Variants in PPP2R2B observed in about 807,000 individuals in gnomAD.
The protein encoded by PPP2R2B is protein phosphatase 2 regulatory subunit Bbeta, also known as serine/threonine-protein phosphatase 2A 55 kDa regulatory subunit B beta isoform.
Under a neutral mutation model 46.0 loss-of-function variants are expected in PPP2R2B, and 5 were observed. The observed-to-expected ratio is 0.11, with a 90% CI of 0.06 to 0.23. The LOEUF is 0.23. Ranked by LOEUF, PPP2R2B falls within the 10% of genes least tolerant of loss-of-function variation. The pLI, the probability that PPP2R2B is intolerant of heterozygous loss-of-function variation, is 1.00. For synonymous variants in PPP2R2B, 215 were observed against 206.7 expected, an observed-to-expected ratio of 1.04 and a Z score of -0.34; for missense variants, 367 against 575.0, an observed-to-expected ratio of 0.64 and a Z score of 3.70.
At chr5:146,904,188 A>G (rs1263433931) in intron 1 of PPP2R2B, among the ~76,000 whole-genome samples, 1 of 152,164 alleles carries the variant, frequency 6.6e-6, no homozygotes, top group East Asian at 1.9e-4. Context: ...TAACTCATGA[A>G]CTGTAAGAGT....
chr5:146,961,355 T>C (rs1752164299), intron 1 of PPP2R2B, among the ~76,000 whole-genome samples: 1 of 152,242 alleles, frequency 6.6e-6, no homozygotes, highest in Admixed American at 6.5e-5. Flanking sequence ...GTGGCATGCA[T>C]GTTTAATGCC....
intron 6 of PPP2R2B, among the ~76,000 whole-genome samples, chr5:146,649,287 C>T (rs1338851482): frequency 6.6e-6 from 1 of 152,074 alleles, no homozygotes; most frequent in Non-Finnish European, 1.5e-5. Context: ...TGCCATTCCT[C>T]ATAAATCTCA....
At chr5:146,972,711 CA>C (rs1303240806) in intron 1 of PPP2R2B, among the ~76,000 whole-genome samples, 1 of 151,698 alleles carries the variant, frequency 6.6e-6, no homozygotes, top group East Asian at 1.9e-4. Flanking sequence ...GACTCCATCT[CA>C]AAAAAACAAA....
rs556427163 is a variant in PPP2R2B, at chr5:146,965,774, C to T, written c.79+89891G>A. ...TGCACTTATCTTGATAATAATTCTT[C>T]TTAAAATCCATAGCAGGAAAGCATG... On this transcript the variant is annotated intron_variant, in intron 1 of 8. Coordinates refer to the PPP2R2B transcript ENST00000336640. Among the ~76,000 whole-genome samples, 6 of 152,302 alleles carry T rather than the reference C, an allele frequency of 3.9e-5. No homozygotes were observed. In the South Asian group the frequency reaches 1.2e-3, roughly 32 times the overall value.
At chr5:146,982,223 T>C (rs1753210995) in intron 1 of PPP2R2B, among the ~76,000 whole-genome samples, 1 of 152,214 alleles carries the variant, frequency 6.6e-6, no homozygotes, top group Admixed American at 6.5e-5. Context: ...AATTTGCTTT[T>C]CATTTGTTGC....
chr5:146,837,222 CT>C (rs1158130958), intron 2 of PPP2R2B, among the ~76,000 whole-genome samples: 1 of 152,148 alleles, frequency 6.6e-6, no homozygotes, highest in Non-Finnish European at 1.5e-5. Context: ...GTTACATGAG[CT>C]ATTCGAACTT....
At chr5:147,080,842 G>A (rs1181586333) in intron 2 of PPP2R2B, among the ~76,000 whole-genome samples, 1 of 151,854 alleles carries the variant, frequency 6.6e-6, no homozygotes, top group African/African-American at 2.4e-5. Context: ...TTTACTGAAA[G>A]TTCATTTCAG....
intron 6 of PPP2R2B, among the ~76,000 whole-genome samples, chr5:146,648,109 G>A (rs1775706302): frequency 6.6e-6 from 1 of 152,192 alleles, no homozygotes; most frequent in African/African-American, 2.4e-5. Flanking sequence ...CATTTCCTAG[G>A]CTGCCTTGCA....
At chr5:146,929,243 A>G (rs554530433) in intron 1 of PPP2R2B, among the ~76,000 whole-genome samples, 1 of 152,036 alleles carries the variant, frequency 6.6e-6, no homozygotes, top group South Asian at 2.1e-4. Flanking sequence ...TCCTATCCTT[A>G]ATGTTTGTCA....
rs201867657 is a variant in PPP2R2B at position 146,927,063 on chromosome 5, AG to A, written c.79+128601del. ...CTTGCTGTACCTTGGCAGAACCTAT[AG>A]GCTGGGTTGAGGTGGATGAGAGGAG... On this transcript the variant is annotated intron_variant, in intron 1 of 8. Coordinates refer to the PPP2R2B transcript ENST00000336640. Among the ~76,000 whole-genome samples the A allele has an allele frequency of 8.4e-3, 1,274 of 152,286 alleles. 7 individuals carry two copies. The highest frequency in any genetic ancestry group is 0.012 in the Admixed American group (180 of 15,288).
intron 2 of PPP2R2B, among the ~76,000 whole-genome samples, chr5:146,772,383 C>CATATATATATAT (rs33981708): frequency 3.7e-5 from 5 of 133,602 alleles, no homozygotes; most frequent in Admixed American, 7.7e-5. Flanking sequence ...ATAACTTGTG[C>CATATATATATAT]ATATATATAT....
At chr5:146,609,858 G>A (rs1447148075) in intron 7 of PPP2R2B, among the ~76,000 whole-genome samples, 7 of 139,556 alleles carry the variant, frequency 5.0e-5, no homozygotes, top group African/African-American at 1.5e-4. Flanking sequence ...ACGGAATCTC[G>A]CTGATTGCTA....
intron 2 of PPP2R2B, among the ~76,000 whole-genome samples, chr5:146,725,056 A>C (rs1751774328): frequency 6.6e-6 from 1 of 152,142 alleles, no homozygotes; most frequent in African/African-American, 2.4e-5. Context: ...GCGATCAATA[A>C]TTCATAGAAA....
intron 9 of PPP2R2B, chr5:146,591,982 AAGAT>A (rs1770705903): frequency 3.4e-6 from 1 of 290,008 alleles, no homozygotes; most frequent in African/African-American, 2.3e-5. Flanking sequence ...AATCAAGGCT[AAGAT>A]AGAGGAAAAA....
Position 146,878,034 on chromosome 5 carries a change from CTGT to C in PPP2R2B, c.35_37del (p.Asn12del). On this transcript the variant is annotated inframe_deletion, in exon 2 of 10. Transcript: ENST00000394411. This position sits in a 1 kb window ranked among gnomAD's most constrained non-coding sequence, Gnocchi z 4.5. ...CGCATAGCTGTGGTCGCGCAGGAAA[CTGT>C]TGTTGATTTTGCGGGTATCAATGTC... 6 of 1,614,112 alleles carry C rather than the reference CTGT, an allele frequency of 3.7e-6. No individual in the cohort carries two copies. Among genetic ancestry groups the C allele is most frequent in the Non-Finnish European group, 5.1e-6 (6 of 1,180,008 alleles).
At chr5:147,008,668 C>A (rs760074445) in intron 1 of PPP2R2B, among the ~76,000 whole-genome samples, 3 of 152,136 alleles carry the variant, frequency 2.0e-5, no homozygotes, top group Non-Finnish European at 4.4e-5. Context: ...CTTCCTCAAC[C>A]CCACCCCCCA....
chr5:147,063,394 T>C (rs1369016179), intron 2 of PPP2R2B, among the ~76,000 whole-genome samples: 2 of 152,316 alleles, frequency 1.3e-5, no homozygotes, highest in East Asian at 3.9e-4. Context: ...ATAAAACATA[T>C]TTTAAATATA....
chr5:146,979,191 A>G (rs1204163695), intron 1 of PPP2R2B, among the ~76,000 whole-genome samples: 1 of 152,092 alleles, frequency 6.6e-6, no homozygotes, highest in Non-Finnish European at 1.5e-5. Flanking sequence ...CATTTCTCTC[A>G]GTTAACTGCA....
intron 1 of PPP2R2B, among the ~76,000 whole-genome samples, chr5:146,897,901 T>C (rs1582382794): frequency 6.6e-6 from 1 of 152,076 alleles, no homozygotes; most frequent in Non-Finnish European, 1.5e-5. Context: ...TCTTAAAAAG[T>C]AGGAAAGGCC....
Sources: gnomAD v4.1 joint callset for allele counts (sites outside exome capture counted in the v4.1 genomes callset) on GRCh38, gnomAD v4.1.1 for gene constraint, Gnocchi (gnomAD v3.1) non-coding constraint, MANE v1.5 for transcripts, NCBI Gene and HGNC (gene_info 2026-07-23, HGNC 2026-07-21) for gene names.